FAM107B: variants seen among roughly 807,000 people sequenced by gnomAD.
The protein encoded by FAM107B is protein FAM107B.
Under a neutral mutation model 31.5 loss-of-function variants are expected in FAM107B, and 21 were observed. The ratio of observed to expected loss-of-function variants is 0.67; its 90% confidence interval spans 0.47 to 0.96. The LOEUF (loss-of-function observed/expected upper bound fraction) is 0.96. Ranked by LOEUF, FAM107B falls within the 40% of genes least tolerant of loss-of-function variation. The probability of loss-of-function intolerance (pLI) is 0.00; values close to 1 mark genes in which losing one functional copy is unlikely to be tolerated. For synonymous variants in FAM107B, 157 were observed against 141.5 expected (o/e 1.11, Z -0.78); for missense variants, 452 against 377.1 (o/e 1.20, Z -1.64).
At chr10:14,762,195 A>T (rs1186495924) in intron 1 of FAM107B, among the ~76,000 whole-genome samples, 1 of 152,152 alleles carries the variant, frequency 6.6e-6, no homozygotes, top group African/African-American at 2.4e-5. Context: ...GGATGGTGAC[A>T]GCACCATTGG....
intron 1 of FAM107B, among the ~76,000 whole-genome samples, chr10:14,683,901 T>C (rs535964274): frequency 2.0e-5 from 3 of 152,354 alleles, no homozygotes; most frequent in South Asian, 4.1e-4. Flanking sequence ...AGCACTGTTA[T>C]ATATCTCTGG....
intron 2 of FAM107B, among the ~76,000 whole-genome samples, chr10:14,627,050 G>A (rs1853184404): frequency 6.6e-6 from 1 of 152,010 alleles, no homozygotes; most frequent in African/African-American, 2.4e-5. Flanking sequence ...AATTAGATAT[G>A]ACCATAACCT....
intron 1 of FAM107B, among the ~76,000 whole-genome samples, chr10:14,693,654 GT>G (rs945104413): frequency 1.3e-5 from 2 of 151,800 alleles, no homozygotes; most frequent in African/African-American, 2.4e-5. Context: ...ATACAGTACA[GT>G]TTTTTTTAGT....
At position 14,520,976 on chromosome 10, in the gene FAM107B, C is replaced by T. The variant is rs906462189; in HGVS notation, c.*214G>A. 6 of 475,970 alleles carry T rather than the reference C, an allele frequency of 1.3e-5. No homozygotes were observed. The highest frequency in any genetic ancestry group is 3.4e-5 in the East Asian group (1 of 29,136). 29.5% of individuals were successfully genotyped at this position (475,970 alleles called of 1,614,324 possible). ...AACACAGGTCCATCATTCCAACTTA[C>T]GTGCGGGGCACTGCCCTTCATTTGG... is the stretch of plus-strand genomic sequence containing the variant. On this transcript the variant is annotated 3_prime_UTR_variant, in exon 5 of 5. Coordinates refer to ENST00000181796, the MANE Select transcript of FAM107B (RefSeq NM_031453.4).
intron 1 of FAM107B, among the ~76,000 whole-genome samples, chr10:14,766,923 G>C (rs530597457): frequency 6.8e-6 from 1 of 147,804 alleles, no homozygotes; most frequent in African/African-American, 2.5e-5. Flanking sequence ...GAAGAGGAGG[G>C]AACACTTCCT....
intron 2 of FAM107B, among the ~76,000 whole-genome samples, chr10:14,645,470 T>C (rs1238720625): frequency 7.2e-6 from 1 of 138,560 alleles, no homozygotes; most frequent in Non-Finnish European, 1.6e-5. Context: ...GCTGTCTGAT[T>C]CAGATGGTCC....
intron 1 of FAM107B, among the ~76,000 whole-genome samples, chr10:14,706,235 G>T (rs1855516137): frequency 6.6e-6 from 1 of 151,952 alleles, no homozygotes; most frequent in Non-Finnish European, 1.5e-5. Flanking sequence ...AAGAGACAGG[G>T]TCTCACTCTG....
chr10:14,525,744 T>G (rs1846160893), intron 3 of FAM107B, among the ~76,000 whole-genome samples: 1 of 152,216 alleles, frequency 6.6e-6, no homozygotes, highest in South Asian at 2.1e-4. Flanking sequence ...CTGTGGACAT[T>G]TATAGCTGCA....
At chr10:14,757,106 A>T (rs897029008) in intron 1 of FAM107B, among the ~76,000 whole-genome samples, 1 of 152,142 alleles carries the variant, frequency 6.6e-6, no homozygotes, top group Non-Finnish European at 1.5e-5. Context: ...CCCCCATGAC[A>T]CAAGTTTACA....
intron 1 of FAM107B, among the ~76,000 whole-genome samples, chr10:14,740,483 T>A (rs527376932): frequency 1.3e-5 from 2 of 152,288 alleles, no homozygotes; most frequent in East Asian, 3.9e-4. Flanking sequence ...GAACAGAGAT[T>A]TTAGGGCAGT....
intron 2 of FAM107B, among the ~76,000 whole-genome samples, chr10:14,586,490 G>C (rs1851843222): frequency 6.6e-6 from 1 of 152,106 alleles, no homozygotes; most frequent in Admixed American, 6.6e-5. Flanking sequence ...TGGGGCTTAG[G>C]GGAAGTAATT....
At position 14,521,149 on chromosome 10, in the gene FAM107B, G is replaced by T; in HGVS notation, c.*41C>A. ...GAGATTGAGAAGGCACCCACAGACA[G>T]CTCTGTGGGGTGACACACGAGGTCT... On this transcript the variant is annotated 3_prime_UTR_variant, in exon 5 of 5. Coordinates refer to ENST00000181796, the MANE Select transcript of FAM107B (RefSeq NM_031453.4). 1 of 1,482,794 alleles carries T rather than the reference G, an allele frequency of 6.7e-7. No homozygotes were observed. Among genetic ancestry groups the T allele is most frequent in the Non-Finnish European group, 9.4e-7 (1 of 1,063,288 alleles). The allele number at this position is 1,482,794 out of a possible 1,614,324, so 91.9% of individuals were successfully genotyped here. A position where few individuals can be genotyped will look rare whatever the true frequency, so the allele number is the denominator to read the frequency against.
intron 2 of FAM107B, 80 bp from the exon 3 acceptor site, chr10:14,530,595 T>A: frequency 7.6e-7 from 1 of 1,316,282 alleles, no homozygotes; most frequent in Non-Finnish European, 1.1e-6. Context: ...CACAGAGCTG[T>A]GCTCAGTATG....
Position 14,741,720 on chromosome 10 carries a change from T to C in FAM107B, c.411+32533A>G, listed in dbSNP as rs1349912274. On this transcript the variant is annotated intron_variant, in intron 1 of 4. Transcript: ENST00000181796. ...GACTTTCCATGCATAACTCCCTTTT[T>C]TTTTTTTTTTTTTTTTTTGAGATGG... Among the ~76,000 whole-genome samples the C allele has an allele frequency of 7.1e-5, 10 of 140,132 alleles. No homozygotes were observed. In the South Asian group the frequency reaches 2.2e-3, roughly 31 times the overall value. The allele number at this position is 140,132 out of a possible 152,430, so 91.9% of individuals were successfully genotyped here. A position where few individuals can be genotyped will look rare whatever the true frequency, so the allele number is the denominator to read the frequency against.
chr10:14,773,701 C>G (rs1411017417), intron 1 of FAM107B, among the ~76,000 whole-genome samples: 1 of 152,108 alleles, frequency 6.6e-6, no homozygotes, highest in Non-Finnish European at 1.5e-5. Flanking sequence ...AGAAGATTAT[C>G]ACAAAAACAT....
chr10:14,686,201 A>G (rs1177605304), intron 1 of FAM107B, among the ~76,000 whole-genome samples: 1 of 152,036 alleles, frequency 6.6e-6, no homozygotes, highest in Non-Finnish European at 1.5e-5. Flanking sequence ...CCAGCCTGGC[A>G]AACATGGTGA....
intron 1 of FAM107B, among the ~76,000 whole-genome samples, chr10:14,710,341 G>A (rs112583383): frequency 1.3e-5 from 2 of 151,860 alleles, no homozygotes; most frequent in African/African-American, 4.8e-5. Context: ...AGCCCAGGAG[G>A]TTGAGGCTAC....
chr10:14,548,610 GC>G (rs1220268955), intron 2 of FAM107B: 1 of 985,402 alleles, frequency 1.0e-6, no homozygotes. Flanking sequence ...GGCAGAGACA[GC>G]CCCTGAGGAG....
At chr10:14,558,539 A>G (rs1346941878) in intron 2 of FAM107B, among the ~76,000 whole-genome samples, 4 of 152,242 alleles carry the variant, frequency 2.6e-5, no homozygotes, top group Non-Finnish European at 4.4e-5. Flanking sequence ...AGAAGCATCC[A>G]GAAAGAGAGT....
Sources: allele counts gnomAD v4.1 joint callset (sites outside exome capture counted in the v4.1 genomes callset), GRCh38; gene constraint gnomAD v4.1.1; transcripts MANE v1.5; gene names NCBI Gene and HGNC (gene_info 2026-07-23, HGNC 2026-07-21).